AGTPBP1: variants seen among roughly 807,000 people sequenced by gnomAD.
The protein encoded by AGTPBP1 is ATP/GTP binding carboxypeptidase 1.
Under a neutral mutation model 143.9 loss-of-function variants are expected in AGTPBP1, and 70 were observed. That is an observed-to-expected ratio of 0.49 (90% CI 0.40 to 0.59). The LOEUF (loss-of-function observed/expected upper bound fraction) is 0.59. Ranked by LOEUF, AGTPBP1 falls within the 20% of genes least tolerant of loss-of-function variation. The probability of loss-of-function intolerance (pLI) is 0.00; values close to 1 mark genes in which losing one functional copy is unlikely to be tolerated. For synonymous variants in AGTPBP1, 463 were observed against 500.2 expected (o/e 0.93, Z 0.99); for missense variants, 1,229 against 1,464.5 (o/e 0.84, Z 2.62).
At chr9:85,634,728 A>T (rs1831922345) in intron 13 of AGTPBP1, among the ~76,000 whole-genome samples, 1 of 152,184 alleles carries the variant, frequency 6.6e-6, no homozygotes, top group African/African-American at 2.4e-5. Context: ...ACAAAACTGC[A>T]ATAAAAATCT....
the AGTPBP1 span, chr9:85,770,192 A>G: frequency 1.2e-6 from 1 of 829,970 alleles, no homozygotes; most frequent in Non-Finnish European, 1.9e-6. Context: ...GGTAATATCC[A>G]TTAGACTCAA....
chr9:85,741,541 G>C (rs1824280992), intron 1 of AGTPBP1: 1 of 985,410 alleles, frequency 1.0e-6, no homozygotes, highest in African/African-American at 1.7e-5. Flanking sequence ...GACTGGGGAA[G>C]GCGTTTTCCA....
At chr9:85,549,492 T>G (rs1365138367) in intron 25 of AGTPBP1, among the ~76,000 whole-genome samples, 1 of 152,218 alleles carries the variant, frequency 6.6e-6, no homozygotes, top group Non-Finnish European at 1.5e-5. Flanking sequence ...GCCACTGCAC[T>G]GGGATCAGAG....
chr9:85,761,784 T>G, the AGTPBP1 span, among the ~76,000 whole-genome samples: 2,084 of 152,182 alleles, frequency 0.014, 47 homozygotes, highest in African/African-American at 0.047. Flanking sequence ...GGGATCTAAT[T>G]AAACTAAAGA....
intron 11 of AGTPBP1, among the ~76,000 whole-genome samples, chr9:85,649,121 CAA>C (rs1293983190): frequency 6.6e-6 from 1 of 151,938 alleles, no homozygotes; most frequent in Non-Finnish European, 1.5e-5. Flanking sequence ...GAATATAAAC[CAA>C]AATTCTTACT....
the AGTPBP1 span, among the ~76,000 whole-genome samples, chr9:85,759,048 A>C: frequency 3.9e-5 from 6 of 152,216 alleles, no homozygotes; most frequent in Admixed American, 2.6e-4. Context: ...TGGTAAAGGG[A>C]TCAATTCAAC....
intron 15 of AGTPBP1, among the ~76,000 whole-genome samples, chr9:85,619,537 T>C (rs1484004851): frequency 6.6e-6 from 1 of 152,188 alleles, no homozygotes; most frequent in Non-Finnish European, 1.5e-5. Context: ...GTAAGAACTT[T>C]TGCCTCACTG....
intron 1 of AGTPBP1, 65 bp from the exon 2 acceptor site, chr9:85,712,631 A>T (rs1042722973): frequency 2.5e-5 from 19 of 749,020 alleles, no homozygotes; most frequent in Non-Finnish European, 3.8e-5. Context: ...TAGATATCAC[A>T]GAAGCCATAC....
At chr9:85,731,301 A>T (rs769072379) in intron 1 of AGTPBP1, among the ~76,000 whole-genome samples, 16 of 152,358 alleles carry the variant, frequency 1.1e-4, no homozygotes, top group Middle Eastern at 3.4e-3. Context: ...GAATGGCTAA[A>T]CTTTAAAAAG....
At chr9:85,597,117 G>T (rs1173752409) in intron 17 of AGTPBP1, among the ~76,000 whole-genome samples, 10 of 151,962 alleles carry the variant, frequency 6.6e-5, no homozygotes, top group Non-Finnish European at 1.0e-4. Flanking sequence ...CTAACTTAAG[G>T]ATAGAGTCAT....
At chr9:85,754,347 T>C in the AGTPBP1 span, among the ~76,000 whole-genome samples, 1 of 152,152 alleles carries the variant, frequency 6.6e-6, no homozygotes, top group Non-Finnish European at 1.5e-5. Context: ...CCCACCACCA[T>C]GCCCGACTAA....
intron 6 of AGTPBP1, among the ~76,000 whole-genome samples, chr9:85,673,215 T>C (rs1402142490): frequency 6.6e-6 from 1 of 152,040 alleles, no homozygotes; most frequent in South Asian, 2.1e-4. Flanking sequence ...GTTGAAAGAA[T>C]GTACTAAGAA....
chr9:85,698,939 C>T (rs1016819899), intron 2 of AGTPBP1, among the ~76,000 whole-genome samples: 17 of 151,738 alleles, frequency 1.1e-4, no homozygotes, highest in African/African-American at 2.4e-4. Flanking sequence ...GTGATCCACC[C>T]GCCTCGGCCT....
rs770737973 is a variant in AGTPBP1 at position 85,592,541 on chromosome 9, T to C, written c.2568+19A>G. On this transcript the variant is annotated intron_variant, in intron 19 of 25. Transcript: ENST00000357081. The stretch of plus-strand genomic sequence containing the variant: ...TCTTATACATATCCATATAATACAA[T>C]TTAATTTAGAGTTCTTACCTGTAAA... 3.9e-6 allele frequency: 6 copies of C among 1,546,612 alleles called. No individual in the cohort carries two copies. The South Asian group carries it at 7.4e-5, about 19-fold the overall frequency.
the AGTPBP1 span, chr9:85,753,351 G>A: frequency 6.2e-7 from 1 of 1,613,984 alleles, no homozygotes; most frequent in Non-Finnish European, 8.5e-7. Flanking sequence ...AAAACCGAAA[G>A]CTGAGGACCT....
At chr9:85,634,359 T>C (rs1365681876) in intron 13 of AGTPBP1, among the ~76,000 whole-genome samples, 1 of 151,836 alleles carries the variant, frequency 6.6e-6, no homozygotes, top group Non-Finnish European at 1.5e-5. Flanking sequence ...ACACAAGGGG[T>C]GCATTCTAGG....
intron 14 of AGTPBP1, among the ~76,000 whole-genome samples, chr9:85,631,127 A>G (rs1365628768): frequency 6.6e-6 from 1 of 152,148 alleles, no homozygotes; most frequent in Non-Finnish European, 1.5e-5. Flanking sequence ...AGAGTACCCC[A>G]CTGGCAACCA....
At chr9:85,562,695 A>G (rs971506162) in intron 25 of AGTPBP1, among the ~76,000 whole-genome samples, 12 of 152,246 alleles carry the variant, frequency 7.9e-5, no homozygotes, top group African/African-American at 2.9e-4. Context: ...TTCACTTTGA[A>G]TAAGTCTCTT....
intron 1 of AGTPBP1, among the ~76,000 whole-genome samples, chr9:85,722,870 CT>C (rs905968029): frequency 2.6e-5 from 4 of 151,344 alleles, no homozygotes; most frequent in East Asian, 1.9e-4. Context: ...GGTGGATGTG[CT>C]TTTTTTTTGA....
Sources: gnomAD v4.1 joint callset for allele counts (sites outside exome capture counted in the v4.1 genomes callset) on GRCh38, gnomAD v4.1.1 for gene constraint, MANE v1.5 for transcripts, NCBI Gene and HGNC (gene_info 2026-07-23, HGNC 2026-07-21) for gene names.